Variants in KLHL2 observed in about 807,000 individuals in gnomAD.
KLHL2 encodes kelch-like protein 2.
Under a neutral mutation model 75.8 loss-of-function variants are expected in KLHL2, and 15 were observed. That is an observed-to-expected ratio of 0.20 (90% CI 0.13 to 0.30). The LOEUF (loss-of-function observed/expected upper bound fraction) is 0.30, where lower values mean the gene tolerates loss of function less well. KLHL2 is among the 10% of genes least tolerant of loss of function. The probability of loss-of-function intolerance (pLI) is 1.00; values close to 1 mark genes in which losing one functional copy is unlikely to be tolerated. For synonymous variants in KLHL2, 214 were observed against 251.9 expected (o/e 0.85, Z 1.42); for missense variants, 381 against 741.0 (o/e 0.51, Z 5.64).
chr4:165,226,889 T>C (rs1313391655), intron 2 of KLHL2, among the ~76,000 whole-genome samples: 2 of 152,192 alleles, frequency 1.3e-5, no homozygotes, highest in Non-Finnish European at 2.9e-5. Flanking sequence ...TGGAGGACTT[T>C]AACCTTGGTT....
At chr4:165,259,885 G>A (rs1241024303) in intron 4 of KLHL2, among the ~76,000 whole-genome samples, 4 of 152,030 alleles carry the variant, frequency 2.6e-5, no homozygotes, top group Non-Finnish European at 5.9e-5. Context: ...TCGAGGGTGT[G>A]GTTTCTTCAT....
At chr4:165,241,296 A>G (rs1358891837) in intron 4 of KLHL2, among the ~76,000 whole-genome samples, 1 of 152,266 alleles carries the variant, frequency 6.6e-6, no homozygotes, top group Non-Finnish European at 1.5e-5. Flanking sequence ...AAATAAGACT[A>G]TACCATGTAA....
chr4:165,296,788 G>A (rs1222097206), intron 6 of KLHL2, among the ~76,000 whole-genome samples: 1 of 152,132 alleles, frequency 6.6e-6, no homozygotes, highest in Non-Finnish European at 1.5e-5. Context: ...GGCACGTAGA[G>A]ACACTTGATA....
intron 5 of KLHL2, among the ~76,000 whole-genome samples, chr4:165,282,128 A>C (rs1444494682): frequency 1.3e-5 from 2 of 152,254 alleles, no homozygotes. Flanking sequence ...TGAATGAAGC[A>C]AGATCATAGA....
intron 4 of KLHL2, among the ~76,000 whole-genome samples, chr4:165,244,571 C>G (rs1191515170): frequency 6.6e-6 from 1 of 151,972 alleles, no homozygotes; most frequent in Middle Eastern, 3.2e-3. Flanking sequence ...TTTAAGACAC[C>G]CTATCAGTTA....
intron 5 of KLHL2, among the ~76,000 whole-genome samples, chr4:165,287,324 A>G (rs1285067300): frequency 6.6e-6 from 1 of 152,174 alleles, no homozygotes; most frequent in African/African-American, 2.4e-5. Context: ...GCATTGTGAC[A>G]GGATTTCCTT....
intron 4 of KLHL2, among the ~76,000 whole-genome samples, chr4:165,247,126 A>AT (rs1740322585): frequency 6.6e-6 from 1 of 152,176 alleles, no homozygotes; most frequent in Non-Finnish European, 1.5e-5. Flanking sequence ...GTGTCATTAC[A>AT]TTCGTTTGCC....
At chr4:165,309,311 A>G (rs1041733139) in intron 9 of KLHL2, among the ~76,000 whole-genome samples, 7 of 152,254 alleles carry the variant, frequency 4.6e-5, no homozygotes, top group Non-Finnish European at 1.0e-4. Context: ...GAGAATGTGG[A>G]ACTTTAACTG....
At position 165,211,045 on chromosome 4, in the gene KLHL2, A is replaced by G. The variant is rs1737168789; in HGVS notation, c.26+3143A>G. Among the ~76,000 whole-genome samples, 3 of 152,214 alleles carry G rather than the reference A, an allele frequency of 2.0e-5. No homozygotes were observed. In the South Asian group the frequency reaches 6.2e-4, roughly 31 times the overall value. On this transcript the variant is annotated intron_variant, in intron 1 of 14. Transcript: ENST00000226725. ...TCCACATTACTAGAGACTTGTCGTC[A>G]GAGGTGGTCATGCATAGGCAGAAAA...
Position 165,218,235 on chromosome 4 carries a change from T to C in KLHL2, c.27-1699T>C, listed in dbSNP as rs1033160859. 3.9e-5 allele frequency among the ~76,000 whole-genome samples: 6 copies of C among 152,180 alleles called. 1 individual carries two copies. Among genetic ancestry groups the C allele is most frequent in the African/African-American group, 1.4e-4 (6 of 41,452 alleles). ...GAAAACGTAAGTCGGATTGTATCAC[T>C]CTTTTGCAGTGTCTCCTCATTTCAC... On this transcript the variant is annotated intron_variant, in intron 1 of 14. Coordinates refer to ENST00000226725, the MANE Select transcript of KLHL2 (RefSeq NM_007246.4).
chr4:165,208,022 C>G lies in KLHL2; in HGVS notation c.26+120C>G, dbSNP rs1031631689. 7 of 599,028 alleles carry G rather than the reference C, an allele frequency of 1.2e-5. No individual in the cohort carries two copies. In the African/African-American group the frequency reaches 1.4e-4, roughly 12 times the overall value. The allele number at this position is 599,028 out of a possible 1,614,324, so 37.1% of individuals were successfully genotyped here. A position where few individuals can be genotyped will look rare whatever the true frequency, so the allele number is the denominator to read the frequency against. On this transcript the variant is annotated intron_variant, in intron 1 of 14. Transcript: ENST00000226725. ...CGGGGCCGGCGGGAGGTGGGAGATGCGGGGCGTGACGAGGCGCTGTGCCCG... is the reference window on the plus strand; with the variant it reads ...CGGGGCCGGCGGGAGGTGGGAGATGGGGGGCGTGACGAGGCGCTGTGCCCG...
intron 4 of KLHL2, among the ~76,000 whole-genome samples, chr4:165,248,204 T>C (rs1740415919): frequency 6.6e-6 from 1 of 152,128 alleles, no homozygotes; most frequent in Non-Finnish European, 1.5e-5. Context: ...AAGTGGTAGT[T>C]GGAACTCAGG....
At chr4:165,313,903 C>A in intron 12 of KLHL2, 123 bp from the exon 13 acceptor site, 1 of 882,224 alleles carries the variant, frequency 1.1e-6, no homozygotes, top group Non-Finnish European at 1.7e-6. Flanking sequence ...GCTATAGTAT[C>A]AGCTTGCTTT....
At chr4:165,246,861 T>G (rs1740304300) in intron 4 of KLHL2, among the ~76,000 whole-genome samples, 1 of 152,142 alleles carries the variant, frequency 6.6e-6, no homozygotes, top group South Asian at 2.1e-4. Flanking sequence ...GGTGGCATAT[T>G]GAAGTGGATG....
chr4:165,294,511 T>C (rs1472698121), intron 6 of KLHL2, 43 bp downstream of exon 6: 15 of 244,280 alleles, frequency 6.1e-5, no homozygotes, highest in South Asian at 9.2e-5. Flanking sequence ...GATGTTTCCC[T>C]TTTTTTTTTT....
intron 9 of KLHL2, among the ~76,000 whole-genome samples, chr4:165,310,320 G>A (rs1322955226): frequency 6.6e-5 from 10 of 152,106 alleles, no homozygotes; most frequent in South Asian, 4.1e-4. Context: ...GTGAGACTCC[G>A]TCTCAAAATA....
At chr4:165,231,662 A>G (rs968150148) in intron 3 of KLHL2, among the ~76,000 whole-genome samples, 1 of 152,078 alleles carries the variant, frequency 6.6e-6, no homozygotes, top group African/African-American at 2.4e-5. Flanking sequence ...TTACCAGTTG[A>G]TGGATGTTTT....
At chr4:165,241,644 T>A (rs72993975) in intron 4 of KLHL2, among the ~76,000 whole-genome samples, 11,308 of 152,208 alleles carry the variant, frequency 0.074, 878 homozygotes, top group African/African-American at 0.2. Context: ...GAAAGTATCT[T>A]TGGGATTGCA....
intron 7 of KLHL2, 40 bp downstream of exon 7, chr4:165,297,765 G>A (rs1745026180): frequency 8.4e-7 from 1 of 1,188,700 alleles, no homozygotes; most frequent in South Asian, 1.2e-5. Context: ...ACACAGCACT[G>A]TGTCACTGGC....
Sources: gnomAD v4.1 joint callset for allele counts (sites outside exome capture counted in the v4.1 genomes callset) on GRCh38, gnomAD v4.1.1 for gene constraint, MANE v1.5 for transcripts, NCBI Gene and HGNC (gene_info 2026-07-23, HGNC 2026-07-21) for gene names.